CNOT9: variants seen among roughly 807,000 people sequenced by gnomAD.
CNOT9 encodes the protein RCD1 required for cell differentiation1 homolog.
A neutral mutation model predicts 37.4 loss-of-function variants in CNOT9; 8 were observed. That is an observed-to-expected ratio of 0.21 (90% CI 0.13 to 0.39). CNOT9 has a LOEUF of 0.39. CNOT9 is among the 10% of genes least tolerant of loss of function. CNOT9 has a pLI of 1.00. For synonymous variants in CNOT9, 120 were observed against 137.6 expected (o/e 0.87, Z 0.90); for missense variants, 154 against 365.3 (o/e 0.42, Z 4.71).
chr2:218,591,802 G>A (rs1232380359), intron 5 of CNOT9, among the ~76,000 whole-genome samples: 1 of 152,056 alleles, frequency 6.6e-6, no homozygotes, highest in East Asian at 1.9e-4. Context: ...AAGAGAGGAG[G>A]CATAGCTGAA....
intron 1 of CNOT9, among the ~76,000 whole-genome samples, chr2:218,577,143 A>T (rs770047483): frequency 6.6e-6 from 1 of 152,176 alleles, no homozygotes; most frequent in Non-Finnish European, 1.5e-5. Flanking sequence ...CTTATCTATA[A>T]AATGAGAGTG....
At chr2:218,588,082 ATTC>A (rs1440186515) in intron 5 of CNOT9, among the ~76,000 whole-genome samples, 4 of 152,260 alleles carry the variant, frequency 2.6e-5, no homozygotes, top group Non-Finnish European at 2.9e-5. Flanking sequence ...AAGGTACAGA[ATTC>A]TTACTCATTG....
chr2:218,575,154 T>A (rs543996467), intron 1 of CNOT9, among the ~76,000 whole-genome samples: 1 of 152,190 alleles, frequency 6.6e-6, no homozygotes, highest in Admixed American at 6.5e-5. Context: ...GATTTTGAAG[T>A]CACTTCAGGC....
Position 218,584,600 on chromosome 2 carries a change from G to A in CNOT9, c.321-12G>A, listed in dbSNP as rs1278663280. On this transcript the variant is annotated splice_polypyrimidine_tract_variant and intron_variant, in intron 3 of 7. Transcript: ENST00000273064. ...ACCCTGGGCTGTGAATGTAATTATT[G>A]TTTTCTTCCAGGTCAGCGTTTCTCG... 3.1e-6 allele frequency: 5 copies of A among 1,594,676 alleles called. No homozygotes were observed. Among genetic ancestry groups the A allele is most frequent in the Non-Finnish European group, 2.6e-6 (3 of 1,162,504 alleles).
At chr2:218,569,409 T>C (rs1245431210) in intron 1 of CNOT9, among the ~76,000 whole-genome samples, 1 of 152,202 alleles carries the variant, frequency 6.6e-6, no homozygotes, top group Non-Finnish European at 1.5e-5. Flanking sequence ...ACTTGCTTTA[T>C]TTATGGAAAA....
intron 5 of CNOT9, among the ~76,000 whole-genome samples, chr2:218,591,088 C>T (rs921109501): frequency 6.6e-6 from 1 of 152,122 alleles, no homozygotes; most frequent in African/African-American, 2.4e-5. Context: ...AACTTAATCA[C>T]GTCTGCAAAG....
chr2:218,582,725 T>C (rs928320902), intron 2 of CNOT9, among the ~76,000 whole-genome samples: 2 of 151,424 alleles, frequency 1.3e-5, no homozygotes, highest in South Asian at 2.1e-4. Context: ...AATGTAGAAA[T>C]GTGAGTCTCA....
intron 2 of CNOT9, among the ~76,000 whole-genome samples, chr2:218,581,818 A>T (rs1321717509): frequency 6.6e-6 from 1 of 152,192 alleles, no homozygotes; most frequent in African/African-American, 2.4e-5. Context: ...GCAGTGGGTC[A>T]TGCTTGTAAT....
At chr2:218,584,810 A>G in intron 4 of CNOT9, 89 bp downstream of exon 4, 1 of 893,094 alleles carries the variant, frequency 1.1e-6, no homozygotes, top group Admixed American at 1.8e-5. Context: ...TGATTTTTGT[A>G]CACCAGTCAT....
In CNOT9 at chr2:218,588,588, C is replaced by CTTTTTTTTTTTTTT. The variant is rs1172484260; in HGVS notation, c.540+906_540+919dup. ...ACAGTCATGAGCCACTCCACCCGGC[C>CTTTTTTTTTTTTTT]TTTTTTTTTTTTTTTTTTTTTTTTT... On this transcript the variant is annotated intron_variant, in intron 5 of 7. Coordinates refer to ENST00000273064, the MANE Select transcript of CNOT9 (RefSeq NM_005444.3). 3.1e-3 allele frequency among the ~76,000 whole-genome samples: 105 copies of CTTTTTTTTTTTTTT among 33,452 alleles called. 27 individuals are homozygous for CTTTTTTTTTTTTTT. Among genetic ancestry groups the CTTTTTTTTTTTTTT allele is most frequent in the East Asian group, 0.016 (13 of 804 alleles). The allele number at this position is 33,452 out of a possible 152,430, so 21.9% of individuals were successfully genotyped here. A position where few individuals can be genotyped will look rare whatever the true frequency, so the allele number is the denominator to read the frequency against.
In CNOT9 at chr2:218,593,466, G is replaced by C. The variant is rs879050210; in HGVS notation, c.732-642G>C. The C allele has an allele frequency of 9.5e-6, 10 of 1,050,318 alleles. No homozygotes were observed. The South Asian group carries it at 2.1e-4, about 22-fold the overall frequency. The allele number at this position is 1,050,318 out of a possible 1,614,324, so 65.1% of individuals were successfully genotyped here. ...ACTTGTACAAAGAAAACTAGTCTGAGTGCAAAAACTATAACTTTGTTTAAA... is the reference window on the plus strand; with the variant it reads ...ACTTGTACAAAGAAAACTAGTCTGACTGCAAAAACTATAACTTTGTTTAAA... On this transcript the variant is annotated intron_variant, in intron 7 of 7. Transcript: ENST00000273064.
chr2:218,584,328 A>G (rs922520994), intron 3 of CNOT9, among the ~76,000 whole-genome samples: 1 of 152,158 alleles, frequency 6.6e-6, no homozygotes, highest in Admixed American at 6.5e-5. Context: ...AGGATGTTTA[A>G]TGGCATCTCT....
intron 2 of CNOT9, among the ~76,000 whole-genome samples, chr2:218,582,045 G>A (rs1404581400): frequency 6.6e-6 from 1 of 151,904 alleles, no homozygotes; most frequent in East Asian, 1.9e-4. Context: ...TCATGCCACT[G>A]CACTCTGCCT....
rs559071085 is a variant in CNOT9 at position 218,596,805 on chromosome 2, T to G, written c.*2529T>G. 2.0e-5 allele frequency: 3 copies of G among 152,366 alleles called. No homozygotes were observed. In the East Asian group the frequency reaches 5.8e-4, roughly 29 times the overall value. 9.4% of individuals were successfully genotyped at this position (152,366 alleles called of 1,614,324 possible). On this transcript the variant is annotated 3_prime_UTR_variant, in exon 8 of 8. Coordinates refer to ENST00000273064, the MANE Select transcript of CNOT9 (RefSeq NM_005444.3). ...ACATCTTACGAACTTTGATGTTCAT[T>G]TCCTCAAGTTCAAGGCTTGGAGCAC...
In CNOT9 at chr2:218,594,663, G is replaced by A; in HGVS notation, c.*387G>A. ...GCACTCTAGGCATGGTGAACGCCTG[G>A]GACCAAGCCATGTGGCGTTTTTTAT... is the stretch of plus-strand genomic sequence containing the variant. On this transcript the variant is annotated 3_prime_UTR_variant, in exon 8 of 8. Coordinates refer to ENST00000273064, the MANE Select transcript of CNOT9 (RefSeq NM_005444.3). 1.1e-5 allele frequency: 2 copies of A among 184,788 alleles called. No individual in the cohort carries two copies. Among genetic ancestry groups the A allele is most frequent in the East Asian group, 1.4e-4 (1 of 7,168 alleles). 11.4% of individuals were successfully genotyped at this position (184,788 alleles called of 1,614,324 possible).
intron 5 of CNOT9, among the ~76,000 whole-genome samples, chr2:218,590,448 G>A (rs832819): frequency 0.99 from 150,872 of 152,346 alleles, 74,723 homozygotes; most frequent in Middle Eastern, 1. Context: ...TTCACTGTGT[G>A]TAAGTTTATA....
chr2:218,584,634 A>G lies in CNOT9; in HGVS notation c.343A>G (p.Ile115Val), dbSNP rs1184159389. Residue 115 changes from isoleucine (I) to valine (V), a missense_variant, in exon 4 of 8, where the codon ATC becomes GTC. Coordinates refer to ENST00000273064, the MANE Select transcript of CNOT9 (RefSeq NM_005444.3). ...ETRSAFLAAHIPLFLYPFLHT... is the reference protein window; with the variant it reads ...ETRSAFLAAHVPLFLYPFLHT... Reference sequence around the variant, plus strand: ...CAGGTCAGCGTTTCTCGCAGCACACATCCCACTTTTTTTGTACCCCTTTTT... The same window carrying G: ...CAGGTCAGCGTTTCTCGCAGCACACGTCCCACTTTTTTTGTACCCCTTTTT... 4.3e-6 allele frequency: 7 copies of G among 1,613,860 alleles called. No individual in the cohort carries two copies. Among genetic ancestry groups the G allele is most frequent in the East Asian group, 2.2e-5 (1 of 44,882 alleles).
At position 218,592,446 on chromosome 2, in the gene CNOT9, A is replaced by G. The variant is rs540886380; in HGVS notation, c.639+44A>G. 1 of 1,543,282 alleles carries G rather than the reference A, an allele frequency of 6.5e-7. No individual in the cohort carries two copies. Among genetic ancestry groups the G allele is most frequent in the East Asian group, 2.2e-5 (1 of 44,508 alleles). On this transcript the variant is annotated intron_variant, in intron 6 of 7. Coordinates refer to ENST00000273064, the MANE Select transcript of CNOT9 (RefSeq NM_005444.3). This position sits in a 1 kb window ranked among gnomAD's most constrained non-coding sequence, Gnocchi z 4.1. ...CCCCTTTACAACTACTTCTCATCACAAAGCTTAATCTCTTTATAACTGGCA... is the reference window on the plus strand; with the variant it reads ...CCCCTTTACAACTACTTCTCATCACGAAGCTTAATCTCTTTATAACTGGCA...
At chr2:218,573,657 G>A (rs1486514500) in intron 1 of CNOT9, 1 of 152,260 alleles carries the variant, frequency 6.6e-6, no homozygotes, top group Non-Finnish European at 1.5e-5. Flanking sequence ...TAAATGTCAT[G>A]TTTTATTTAA....
Sources: gnomAD v4.1 joint callset for allele counts (sites outside exome capture counted in the v4.1 genomes callset) on GRCh38, gnomAD v4.1.1 for gene constraint, Gnocchi (gnomAD v3.1) non-coding constraint, MANE v1.5 for transcripts, NCBI Gene and HGNC (gene_info 2026-07-23, HGNC 2026-07-21) for gene names.